ADAMTSL1: variants seen among roughly 807,000 people sequenced by gnomAD.
ADAMTSL1 encodes ADAMTS-like protein 1.
ADAMTSL1 carries 126 observed loss-of-function variants against 201.8 expected under a neutral mutation model. That is an observed-to-expected ratio of 0.62 (90% CI 0.54 to 0.72). ADAMTSL1 has a LOEUF of 0.72. ADAMTSL1 is among the 30% of genes least tolerant of loss of function. The pLI is 0.00. For synonymous variants in ADAMTSL1, 1,121 were observed against 903.4 expected, an observed-to-expected ratio of 1.24 and a Z score of -4.32; for missense variants, 2,679 against 2,277.8, an observed-to-expected ratio of 1.18 and a Z score of -3.59.
intron 1 of ADAMTSL1, among the ~76,000 whole-genome samples, chr9:17,972,733 T>C (rs200012507): frequency 6.8e-4 from 102 of 150,186 alleles, no homozygotes; most frequent in Admixed American, 1.7e-3. Flanking sequence ...CCTGAGGAAT[T>C]GCCACACTGA....
At chr9:18,855,109 A>G (rs1405880238) in intron 23 of ADAMTSL1, among the ~76,000 whole-genome samples, 1 of 152,162 alleles carries the variant, frequency 6.6e-6, no homozygotes. Context: ...CAGAGCTTAC[A>G]GATTTGGGTT....
At position 18,906,572 on chromosome 9, in the gene ADAMTSL1, T is replaced by G. The variant is rs1830322111; in HGVS notation, c.4962-120T>G. On this transcript the variant is annotated intron_variant, in intron 27 of 28. Coordinates refer to ENST00000380548, the MANE Select transcript of ADAMTSL1 (RefSeq NM_001040272.6). ...CACAGAAATCAGAATCCAGGTCTAGTAACGCTGAAAGTTCTTGAGGAACCA... is the reference window on the plus strand; with the variant it reads ...CACAGAAATCAGAATCCAGGTCTAGGAACGCTGAAAGTTCTTGAGGAACCA... The G allele has an allele frequency of 1.5e-5, 12 of 784,120 alleles. No homozygotes were observed. The South Asian group carries it at 2.2e-4, about 15-fold the overall frequency. 48.6% of individuals were successfully genotyped at this position (784,120 alleles called of 1,614,324 possible). A position where few individuals can be genotyped will look rare whatever the true frequency, so the allele number is the denominator to read the frequency against.
intron 1 of ADAMTSL1, among the ~76,000 whole-genome samples, chr9:18,037,829 A>G (rs990237439): frequency 6.6e-6 from 1 of 152,214 alleles, no homozygotes; most frequent in Non-Finnish European, 1.5e-5. Flanking sequence ...CAGAAATAGC[A>G]TCTGAAGATT....
chr9:18,391,527 C>A (rs1432433064), intron 2 of ADAMTSL1, among the ~76,000 whole-genome samples: 1 of 152,012 alleles, frequency 6.6e-6, no homozygotes, highest in Non-Finnish European at 1.5e-5. Context: ...CTCACTGTAG[C>A]CTTGAACTCC....
intron 20 of ADAMTSL1, among the ~76,000 whole-genome samples, chr9:18,799,577 C>T (rs1489892982): frequency 2.0e-5 from 3 of 152,104 alleles, no homozygotes; most frequent in African/African-American, 7.2e-5. Context: ...TTTATAAGAT[C>T]ACAAAAGAGA....
At chr9:18,401,757 A>G (rs978719278) in intron 2 of ADAMTSL1, among the ~76,000 whole-genome samples, 4 of 152,158 alleles carry the variant, frequency 2.6e-5, no homozygotes, top group Admixed American at 2.0e-4. Flanking sequence ...TAAAATGGTT[A>G]TAAATGCACC....
chr9:18,180,393 C>T (rs1176727233), intron 2 of ADAMTSL1, among the ~76,000 whole-genome samples: 6 of 151,898 alleles, frequency 4.0e-5, no homozygotes, highest in East Asian at 1.9e-4. Context: ...ATTAGCCAGG[C>T]GTAGTGGCGG....
chr9:18,530,285 A>G (rs1363919156), intron 2 of ADAMTSL1, among the ~76,000 whole-genome samples: 1 of 152,202 alleles, frequency 6.6e-6, no homozygotes, highest in African/African-American at 2.4e-5. Context: ...CCAGATCTTC[A>G]GGCTCCTAAT....
intron 16 of ADAMTSL1, among the ~76,000 whole-genome samples, chr9:18,765,128 A>G (rs572014170): frequency 9.7e-4 from 148 of 152,326 alleles, no homozygotes; most frequent in African/African-American, 3.4e-3. Flanking sequence ...AACTGTTCTT[A>G]TTTAACTACT....
chr9:18,821,113 C>T (rs1000434469), intron 21 of ADAMTSL1, among the ~76,000 whole-genome samples: 40 of 152,102 alleles, frequency 2.6e-4, no homozygotes, highest in African/African-American at 8.9e-4. Context: ...GAAGGACTTA[C>T]TTAGGAGATA....
At chr9:18,791,591 A>G (rs1193422351) in intron 19 of ADAMTSL1, among the ~76,000 whole-genome samples, 1 of 152,194 alleles carries the variant, frequency 6.6e-6, no homozygotes, top group Non-Finnish European at 1.5e-5. Flanking sequence ...CCAAATAACT[A>G]TGTACCCTTG....
chr9:18,158,410 C>G (rs1283566607), intron 1 of ADAMTSL1, among the ~76,000 whole-genome samples: 3 of 151,816 alleles, frequency 2.0e-5, no homozygotes, highest in Non-Finnish European at 4.4e-5. Context: ...GTTGAATATT[C>G]CAACCAGGAA....
intron 24 of ADAMTSL1, 119 bp from the exon 25 acceptor site, chr9:18,889,449 C>G: frequency 6.5e-6 from 7 of 1,082,518 alleles, no homozygotes; most frequent in South Asian, 1.6e-5. Context: ...TATAATAGCT[C>G]CTCTCCTTCA....
intron 2 of ADAMTSL1, among the ~76,000 whole-genome samples, chr9:18,188,661 T>G (rs1828843264): frequency 6.6e-6 from 1 of 152,216 alleles, no homozygotes; most frequent in Non-Finnish European, 1.5e-5. Context: ...GAATGGATTC[T>G]GGCAGCAGCA....
intron 13 of ADAMTSL1, among the ~76,000 whole-genome samples, chr9:18,687,566 C>G (rs540604777): frequency 1.6e-4 from 24 of 152,278 alleles, no homozygotes; most frequent in African/African-American, 5.5e-4. Context: ...CAGTAAATAT[C>G]ATTTATTTCC....
intron 1 of ADAMTSL1, among the ~76,000 whole-genome samples, chr9:18,062,234 C>T (rs1199857720): frequency 6.6e-6 from 1 of 152,146 alleles, no homozygotes; most frequent in East Asian, 1.9e-4. Context: ...TGAAAAATGT[C>T]ATGATTGACT....
chr9:18,489,225 T>G (rs1822146630), intron 1 of ADAMTSL1, among the ~76,000 whole-genome samples: 1 of 152,204 alleles, frequency 6.6e-6, no homozygotes, highest in South Asian at 2.1e-4. Context: ...ATATATCTCT[T>G]ATATTTGAAG....
chr9:18,282,245 C>A (rs1832818835), intron 2 of ADAMTSL1, among the ~76,000 whole-genome samples: 1 of 152,152 alleles, frequency 6.6e-6, no homozygotes, highest in African/African-American at 2.4e-5. Context: ...GACAAGATTT[C>A]ATTCTTTTTA....
In ADAMTSL1 at chr9:18,905,995, AGCCCTGCCT is replaced by A. The variant is rs145140627; in HGVS notation, c.4961+106_4961+114del. The A allele has an allele frequency of 9.0e-3, 9,244 of 1,027,364 alleles. 319 individuals carry two copies. Among genetic ancestry groups the A allele is most frequent in the South Asian group, 0.078 (5,106 of 65,200 alleles). The allele number at this position is 1,027,364 out of a possible 1,614,324, so 63.6% of individuals were successfully genotyped here. A position where few individuals can be genotyped will look rare whatever the true frequency, so the allele number is the denominator to read the frequency against. ...CTCCAACTAACTTACCACAGTCCCA[AGCCCTGCCT>A]GGGACTCCATCTCCATTCACCGCAA... On this transcript the variant is annotated intron_variant, in intron 27 of 28. Coordinates refer to ENST00000380548, the MANE Select transcript of ADAMTSL1 (RefSeq NM_001040272.6).
Sources: gnomAD v4.1 joint callset for allele counts (sites outside exome capture counted in the v4.1 genomes callset) on GRCh38, gnomAD v4.1.1 for gene constraint, MANE v1.5 for transcripts, NCBI Gene and HGNC (gene_info 2026-07-23, HGNC 2026-07-21) for gene names.